KCNQ1OT1: variants seen among roughly 807,000 people sequenced by gnomAD.
The protein encoded by KCNQ1OT1 is KCNQ1 antisense RNA 2 (non-protein coding).
chr11:2,675,977 C>A, exon 1 of KCNQ1OT1: 1 of 398,642 alleles, frequency 2.5e-6, no homozygotes, highest in Non-Finnish European at 4.4e-6. Context: ...TGAAAAATAA[C>A]ACTCTCCCCA....
At chr11:2,615,295 T>C (rs766988221) in exon 1 of KCNQ1OT1, 3 of 398,078 alleles carry the variant, frequency 7.5e-6, no homozygotes, top group Non-Finnish European at 1.3e-5. Context: ...GCTCTACTAG[T>C]TTGTGGATTC....
exon 1 of KCNQ1OT1, chr11:2,616,213 T>TC: frequency 2.5e-6 from 1 of 397,456 alleles, no homozygotes; most frequent in Non-Finnish European, 4.4e-6. Context: ...TGTTTTTTTT[T>TC]CTTATTTTTG....
chr11:2,693,356 G>A, exon 1 of KCNQ1OT1: 1 of 398,716 alleles, frequency 2.5e-6, no homozygotes, highest in Admixed American at 4.4e-5. Flanking sequence ...ACCCTGGGTG[G>A]GGGCCGAGTC....
In KCNQ1OT1 at chr11:2,663,158, GC is replaced by G. The variant is rs751194925; in HGVS notation, n.36836del. The G allele has an allele frequency of 9.3e-5, 37 of 398,644 alleles. No individual in the cohort carries two copies. The highest frequency in any genetic ancestry group is 4.5e-4 in the African/African-American group (22 of 48,726). The allele number at this position is 398,644 out of a possible 1,614,324, so 24.7% of individuals were successfully genotyped here. A position where few individuals can be genotyped will look rare whatever the true frequency, so the allele number is the denominator to read the frequency against. Reference sequence around the variant, plus strand: ...CAGGACCTGCCCACTGTCTTTCCAGGCCCCCCCAGTTCACAGAGAGGTTGGC... The same window carrying G: ...CAGGACCTGCCCACTGTCTTTCCAGGCCCCCCAGTTCACAGAGAGGTTGGC... On this transcript the variant is annotated non_coding_transcript_exon_variant, in exon 1 of 1. Coordinates refer to ENST00000597346, the Ensembl canonical transcript of KCNQ1OT1. This position sits in a 1 kb window ranked among gnomAD's most constrained non-coding sequence, Gnocchi z 5.2.
At chr11:2,649,677 G>T in exon 1 of KCNQ1OT1, 5 of 398,512 alleles carry the variant, frequency 1.3e-5, no homozygotes. Flanking sequence ...CTGTTAATCT[G>T]CTGTTGATTC....
At position 2,677,720 on chromosome 11, in the gene KCNQ1OT1, C is replaced by T. The variant is rs958474177; in HGVS notation, n.22275G>A. The T allele has an allele frequency of 5.0e-6, 2 of 398,392 alleles. No homozygotes were observed. Among genetic ancestry groups the T allele is most frequent in the Non-Finnish European group, 8.8e-6 (2 of 226,032 alleles). The allele number at this position is 398,392 out of a possible 1,614,324, so 24.7% of individuals were successfully genotyped here. On this transcript the variant is annotated non_coding_transcript_exon_variant, in exon 1 of 1. Transcript: ENST00000597346. This position sits in a 1 kb window ranked among gnomAD's most constrained non-coding sequence, Gnocchi z 4.5. ...AAATTAACTTCCCAATCAAATATCT[C>T]TATTGTAAAATTTTGGTCTCCGTTT...
Position 2,612,748 on chromosome 11 carries a change from A to G in KCNQ1OT1, n.87247T>C, listed in dbSNP as rs1589981375. 5.0e-6 allele frequency: 2 copies of G among 398,450 alleles called. No individual in the cohort carries two copies. The highest frequency in any genetic ancestry group is 7.1e-5 in the East Asian group (2 of 28,060). 24.7% of individuals were successfully genotyped at this position (398,450 alleles called of 1,614,324 possible). ...TTGGGGCCCTTCAGAGATAATTCCT[A>G]TTTATTGCTCATTATTCTTGTTCAA... On this transcript the variant is annotated non_coding_transcript_exon_variant, in exon 1 of 1. Coordinates refer to ENST00000597346, the Ensembl canonical transcript of KCNQ1OT1. This position sits in a 1 kb window ranked among gnomAD's most constrained non-coding sequence, Gnocchi z 5.5.
chr11:2,647,962 C>A lies in KCNQ1OT1; in HGVS notation n.52033G>T. The A allele has an allele frequency of 2.5e-6, 1 of 397,776 alleles. No individual in the cohort carries two copies. Among genetic ancestry groups the A allele is most frequent in the Non-Finnish European group, 4.4e-6 (1 of 225,990 alleles). 24.6% of individuals were successfully genotyped at this position (397,776 alleles called of 1,614,324 possible). ...GGTTTGTTGGCTCACACCTGTAAAC[C>A]CAGTACTTTGGAAGGCCAAGGCAGG... is the stretch of plus-strand genomic sequence containing the variant. On this transcript the variant is annotated non_coding_transcript_exon_variant, in exon 1 of 1. Coordinates refer to ENST00000597346, the Ensembl canonical transcript of KCNQ1OT1. The surrounding 1 kb of genome is among the most constrained non-coding windows in gnomAD (Gnocchi z 4.0).
rs1047657256 is a variant in KCNQ1OT1, at chr11:2,651,751, G to A, written n.48244C>T. On this transcript the variant is annotated non_coding_transcript_exon_variant, in exon 1 of 1. Transcript: ENST00000597346. This position sits in a 1 kb window ranked among gnomAD's most constrained non-coding sequence, Gnocchi z 6.1. Reference sequence around the variant, plus strand: ...TTTCTATACGTTTTCTCTGATTACTGGAAATTCCTCAAGTGTTGACCATTT... The same window carrying A: ...TTTCTATACGTTTTCTCTGATTACTAGAAATTCCTCAAGTGTTGACCATTT... 3.0e-5 allele frequency: 12 copies of A among 398,598 alleles called. No homozygotes were observed. In the East Asian group the frequency reaches 3.9e-4, roughly 13 times the overall value. 24.7% of individuals were successfully genotyped at this position (398,598 alleles called of 1,614,324 possible). A position where few individuals can be genotyped will look rare whatever the true frequency, so the allele number is the denominator to read the frequency against.
chr11:2,616,894 G>A (rs1035141976), exon 1 of KCNQ1OT1: 1 of 397,864 alleles, frequency 2.5e-6, no homozygotes, highest in African/African-American at 2.1e-5. Flanking sequence ...GGTCTAGTTG[G>A]TTTATGGTAT....
exon 1 of KCNQ1OT1, chr11:2,697,963 C>A: frequency 2.5e-6 from 1 of 398,636 alleles, no homozygotes; most frequent in Non-Finnish European, 4.4e-6. Flanking sequence ...CACCCATAAT[C>A]AAGCAACTCA....
At chr11:2,694,214 T>A (rs544286175) in exon 1 of KCNQ1OT1, 75 of 398,654 alleles carry the variant, frequency 1.9e-4, no homozygotes, top group African/African-American at 1.5e-3. Context: ...GTGGTGAGGC[T>A]ATAGGTGTTA....
At chr11:2,610,462 T>C (rs117084069) in exon 1 of KCNQ1OT1, 1 of 398,266 alleles carries the variant, frequency 2.5e-6, no homozygotes, top group African/African-American at 2.1e-5. Context: ...TTTTTGGTTT[T>C]TATGGATTTG....
chr11:2,662,778 G>C (rs1040234300), exon 1 of KCNQ1OT1: 1 of 399,176 alleles, frequency 2.5e-6, no homozygotes, highest in African/African-American at 2.1e-5. Context: ...GATTCCCCTT[G>C]ATAAATGTCT....
chr11:2,682,399 GCTGTTTC>G lies in KCNQ1OT1; in HGVS notation n.17589_17595del, dbSNP rs1257413483. On this transcript the variant is annotated non_coding_transcript_exon_variant, in exon 1 of 1. Transcript: ENST00000597346. This position sits in a 1 kb window ranked among gnomAD's most constrained non-coding sequence, Gnocchi z 5.8. ...TCAAGGAGCATGAGGGTATAGGCTGGCTGTTTCTATTCAGTGTTTTATCTTCAGTGCT... is the reference window on the plus strand; with the variant it reads ...TCAAGGAGCATGAGGGTATAGGCTGGTATTCAGTGTTTTATCTTCAGTGCT... 1 of 398,526 alleles carries G rather than the reference GCTGTTTC, an allele frequency of 2.5e-6. No homozygotes were observed. The highest frequency in any genetic ancestry group is 4.4e-6 in the Non-Finnish European group (1 of 226,098). The allele number at this position is 398,526 out of a possible 1,614,324, so 24.7% of individuals were successfully genotyped here. A position where few individuals can be genotyped will look rare whatever the true frequency, so the allele number is the denominator to read the frequency against.
At chr11:2,646,945 T>A (rs1849675686) in exon 1 of KCNQ1OT1, 2 of 398,666 alleles carry the variant, frequency 5.0e-6, no homozygotes, top group East Asian at 7.1e-5. Flanking sequence ...AAGGACAATA[T>A]GACATTCTCT....
At chr11:2,622,790 C>T in exon 1 of KCNQ1OT1, 1 of 398,530 alleles carries the variant, frequency 2.5e-6, no homozygotes. Context: ...TCCCGTATAC[C>T]CACTGCACCC....
chr11:2,672,821 C>A, exon 1 of KCNQ1OT1: 1 of 398,852 alleles, frequency 2.5e-6, no homozygotes, highest in Non-Finnish European at 4.4e-6. Flanking sequence ...GACCAAGTGA[C>A]CCCAACTCTG....
chr11:2,652,503 G>A lies in KCNQ1OT1; in HGVS notation n.47492C>T, dbSNP rs1401889156. On this transcript the variant is annotated non_coding_transcript_exon_variant, in exon 1 of 1. Coordinates refer to ENST00000597346, the Ensembl canonical transcript of KCNQ1OT1. The surrounding 1 kb of genome is among the most constrained non-coding windows in gnomAD (Gnocchi z 5.9). ...TCCCCACCTCTCCAGAGGTTTCTGG[G>A]GAATGTCCTGTGAGCTCAACTCTTG... The A allele has an allele frequency of 7.5e-6, 3 of 398,454 alleles. No homozygotes were observed. The highest frequency in any genetic ancestry group is 1.3e-5 in the Non-Finnish European group (3 of 226,060). 24.7% of individuals were successfully genotyped at this position (398,454 alleles called of 1,614,324 possible). A position where few individuals can be genotyped will look rare whatever the true frequency, so the allele number is the denominator to read the frequency against.
Sources: gnomAD v4.1 joint callset for allele counts on GRCh38, gnomAD v4.1.1 for gene constraint, Gnocchi (gnomAD v3.1) non-coding constraint, MANE v1.5 for transcripts, NCBI Gene and HGNC (gene_info 2026-07-23, HGNC 2026-07-21) for gene names.